Variants in LDLRAD3 observed in about 807,000 individuals in gnomAD.
LDLRAD3 encodes the protein low density lipoprotein receptor class A domain containing 3.
In LDLRAD3, 20 loss-of-function variants were observed where a neutral mutation model predicts 29.4. The observed-to-expected ratio is 0.68, with a 90% confidence interval of 0.48 to 0.99. LDLRAD3 has a LOEUF of 0.99. LDLRAD3 is among the 50% of genes least tolerant of loss of function. LDLRAD3 has a pLI of 0.00. For missense variants in LDLRAD3, 420 were observed against 454.3 expected (o/e 0.92, Z 0.69); for synonymous variants, 157 against 192.7 (o/e 0.81, Z 1.53).
At chr11:36,156,311 A>G (rs1176294727) in intron 4 of LDLRAD3, among the ~76,000 whole-genome samples, 4 of 152,210 alleles carry the variant, frequency 2.6e-5, no homozygotes, top group African/African-American at 9.7e-5. Flanking sequence ...AGCTGTTTGC[A>G]CATACACATT....
intron 1 of LDLRAD3, among the ~76,000 whole-genome samples, chr11:36,028,590 A>G (rs1290468108): frequency 2.6e-5 from 4 of 152,170 alleles, no homozygotes; most frequent in African/African-American, 7.2e-5. Flanking sequence ...GACATTTATA[A>G]TATATTTTGA....
intron 1 of LDLRAD3, among the ~76,000 whole-genome samples, chr11:36,017,084 G>GT (rs1852032846): frequency 6.6e-6 from 1 of 152,204 alleles, no homozygotes; most frequent in Non-Finnish European, 1.5e-5. Flanking sequence ...ATGTCAATGT[G>GT]TTTTTTACAT....
intron 1 of LDLRAD3, among the ~76,000 whole-genome samples, chr11:35,973,098 T>C (rs1235526716): frequency 6.6e-6 from 1 of 151,694 alleles, no homozygotes; most frequent in Non-Finnish European, 1.5e-5. Flanking sequence ...AAAGCTGTCC[T>C]TTTGACCTGA....
At chr11:36,126,500 GTTGAGGA>G (rs1385292756) in intron 4 of LDLRAD3, among the ~76,000 whole-genome samples, 1 of 152,200 alleles carries the variant, frequency 6.6e-6, no homozygotes, top group African/African-American at 2.4e-5. Flanking sequence ...CAGGGAAGAG[GTTGAGGA>G]TTGGCCTTCG....
intron 1 of LDLRAD3, among the ~76,000 whole-genome samples, chr11:36,016,267 TAACTCA>T: frequency 6.6e-6 from 1 of 152,234 alleles, no homozygotes; most frequent in African/African-American, 2.4e-5. Context: ...TTTTCTATGC[TAACTCA>T]TTAATAAGCA....
At chr11:36,127,328 C>T (rs41387649) in intron 4 of LDLRAD3, among the ~76,000 whole-genome samples, 1 of 152,096 alleles carries the variant, frequency 6.6e-6, no homozygotes, top group Admixed American at 6.5e-5. Context: ...GAAAGTTACA[C>T]AATAAAACAG....
In LDLRAD3 at chr11:36,011,612, C is replaced by T. The variant is rs149548392; in HGVS notation, c.47-24491C>T. On this transcript the variant is annotated intron_variant, in intron 1 of 5. Transcript: ENST00000315571. The stretch of plus-strand genomic sequence containing the variant: ...AACCTTTGAAAGGGTGGAGAGAGAA[C>T]CATAAGCAATTGTAACTTATGTATT... Among the ~76,000 whole-genome samples the T allele has an allele frequency of 3.0e-3, 462 of 152,186 alleles. 6 individuals are homozygous for T. Among genetic ancestry groups the T allele is most frequent in the African/African-American group, 0.011 (444 of 41,504 alleles).
intron 4 of LDLRAD3, 70 bp downstream of exon 4, chr11:36,098,531 C>T: frequency 6.5e-7 from 1 of 1,547,562 alleles, no homozygotes; most frequent in Middle Eastern, 1.7e-4. Flanking sequence ...CCCTGAAAGG[C>T]AGAAAGCAAC....
chr11:36,082,946 G>T (rs1013165504), intron 3 of LDLRAD3, among the ~76,000 whole-genome samples: 6 of 152,068 alleles, frequency 3.9e-5, no homozygotes, highest in Non-Finnish European at 8.8e-5. Context: ...TAGACTACTT[G>T]AGCATTCATA....
chr11:36,005,063 G>A (rs1425799196), intron 1 of LDLRAD3, among the ~76,000 whole-genome samples: 1 of 152,208 alleles, frequency 6.6e-6, no homozygotes. Context: ...CATTTCTCCT[G>A]TTGTCTTGGC....
At chr11:36,051,913 G>A (rs1852534494) in intron 2 of LDLRAD3, among the ~76,000 whole-genome samples, 1 of 152,176 alleles carries the variant, frequency 6.6e-6, no homozygotes, top group Non-Finnish European at 1.5e-5. Flanking sequence ...TGTGCTTGAT[G>A]GGTCACATTA....
chr11:36,228,178 T>C (rs1855526286), intron 5 of LDLRAD3, among the ~76,000 whole-genome samples: 1 of 152,180 alleles, frequency 6.6e-6, no homozygotes, highest in African/African-American at 2.4e-5. Context: ...CGTGTTCTGA[T>C]GGTGACTGGG....
intron 4 of LDLRAD3, among the ~76,000 whole-genome samples, chr11:36,186,959 G>A (rs928486994): frequency 6.6e-6 from 1 of 152,172 alleles, no homozygotes; most frequent in African/African-American, 2.4e-5. Flanking sequence ...TAAATGTGCA[G>A]GTGGTTGCCA....
At chr11:35,948,877 G>A (rs1174216353) in intron 1 of LDLRAD3, among the ~76,000 whole-genome samples, 1 of 152,116 alleles carries the variant, frequency 6.6e-6, no homozygotes, top group East Asian at 1.9e-4. Context: ...CTTGATGCCT[G>A]TATTGGCTTA....
chr11:36,034,928 G>A (rs115879507), intron 1 of LDLRAD3, among the ~76,000 whole-genome samples: 2,870 of 152,288 alleles, frequency 0.019, 64 homozygotes, highest in African/African-American at 0.05. Flanking sequence ...ATCTAGAGAT[G>A]CTTCTCTTTG....
At chr11:36,118,499 G>GTC (rs1251346725) in intron 4 of LDLRAD3, among the ~76,000 whole-genome samples, 2 of 109,794 alleles carry the variant, frequency 1.8e-5, no homozygotes, top group African/African-American at 2.7e-5. Flanking sequence ...AAGAGTGAGT[G>GTC]TGTGTGTGTG....
intron 4 of LDLRAD3, among the ~76,000 whole-genome samples, chr11:36,122,575 T>A (rs1001736530): frequency 7.2e-5 from 11 of 152,096 alleles, no homozygotes; most frequent in Admixed American, 3.3e-4. Flanking sequence ...CAATAATAAT[T>A]ACTATTATTA....
chr11:35,957,966 G>A (rs1033012707), intron 1 of LDLRAD3, among the ~76,000 whole-genome samples: 3 of 152,158 alleles, frequency 2.0e-5, no homozygotes, highest in African/African-American at 7.2e-5. Flanking sequence ...AGTTTGCAAT[G>A]TGTACAAAAG....
chr11:36,128,004 G>A (rs115121279), intron 4 of LDLRAD3, among the ~76,000 whole-genome samples: 3,374 of 151,410 alleles, frequency 0.022, 120 homozygotes, highest in African/African-American at 0.078. Context: ...GCCTCCTCCT[G>A]GTGGATGTAC....
Sources: allele counts gnomAD v4.1 joint callset (sites outside exome capture counted in the v4.1 genomes callset), GRCh38; gene constraint gnomAD v4.1.1; transcripts MANE v1.5; gene names NCBI Gene and HGNC (gene_info 2026-07-23, HGNC 2026-07-21).